CSMD1: variants seen among roughly 807,000 people sequenced by gnomAD.
CSMD1 encodes CUB and Sushi multiple domains 1.
Under a neutral mutation model 417.5 loss-of-function variants are expected in CSMD1, and 213 were observed. The observed-to-expected ratio is 0.51, with a 90% CI of 0.46 to 0.57. CSMD1 has a LOEUF of 0.57. CSMD1 is among the 20% of genes least tolerant of loss of function. The pLI is 0.00. For synonymous variants in CSMD1, 2,862 were observed against 1,736.8 expected (o/e 1.65, Z -16.11); for missense variants, 6,923 against 4,529.7 (o/e 1.53, Z -15.17).
chr8:4,859,948 G>C (rs1052293058), intron 1 of CSMD1, among the ~76,000 whole-genome samples: 1 of 152,182 alleles, frequency 6.6e-6, no homozygotes, highest in African/African-American at 2.4e-5. Context: ...CTGCTATAAA[G>C]ACACATGCAC....
chr8:3,399,040 C>G (rs913759753), intron 16 of CSMD1, among the ~76,000 whole-genome samples: 5 of 152,232 alleles, frequency 3.3e-5, no homozygotes, highest in African/African-American at 9.6e-5. Context: ...CAGAAGACAC[C>G]TAAGGGACCA....
intron 5 of CSMD1, among the ~76,000 whole-genome samples, chr8:3,820,769 T>A (rs1244470641): frequency 6.6e-6 from 1 of 152,048 alleles, no homozygotes; most frequent in African/African-American, 2.4e-5. Context: ...TTTGTTTTAG[T>A]GATGGGGTTT....
At position 4,725,982 on chromosome 8, in the gene CSMD1, T is replaced by G. The variant is rs945419682; in HGVS notation, c.86-88424A>C. On this transcript the variant is annotated intron_variant, in intron 1 of 69. Transcript: ENST00000635120. ...AGTTATTAGGATTTACAGTGGAATT[T>G]TGGTATCACGAACTAGTTGTAAGAA... is the stretch of plus-strand genomic sequence containing the variant. Among the ~76,000 whole-genome samples the G allele has an allele frequency of 2.0e-5, 3 of 152,170 alleles. 1 individual carries two copies. The highest frequency in any genetic ancestry group is 2.1e-4 in the South Asian group (1 of 4,832).
intron 11 of CSMD1, among the ~76,000 whole-genome samples, chr8:3,486,291 T>A (rs751976194): frequency 9.2e-5 from 14 of 152,192 alleles, no homozygotes; most frequent in Non-Finnish European, 1.9e-4. Context: ...TCTACCATTC[T>A]ATTTGATGCA....
intron 2 of CSMD1, among the ~76,000 whole-genome samples, chr8:4,486,400 G>A (rs904298672): frequency 1.3e-5 from 2 of 150,182 alleles, no homozygotes; most frequent in African/African-American, 2.4e-5. Context: ...TTACTTCCAG[G>A]AATCATAACA....
intron 11 of CSMD1, among the ~76,000 whole-genome samples, chr8:3,491,398 T>C (rs929786795): frequency 1.3e-5 from 2 of 152,174 alleles, no homozygotes; most frequent in African/African-American, 4.8e-5. Flanking sequence ...TAAGGTAAAA[T>C]GTATTATGCA....
At chr8:4,563,460 C>A (rs1194482817) in intron 2 of CSMD1, among the ~76,000 whole-genome samples, 2 of 152,088 alleles carry the variant, frequency 1.3e-5, no homozygotes, top group Non-Finnish European at 2.9e-5. Context: ...TCACATTCAA[C>A]AATGCCAAGG....
At chr8:4,952,056 A>G (rs951289690) in intron 1 of CSMD1, among the ~76,000 whole-genome samples, 4 of 151,554 alleles carry the variant, frequency 2.6e-5, no homozygotes, top group African/African-American at 7.3e-5. Context: ...TATATTTTAC[A>G]CGTAATTGTA....
chr8:4,597,295 T>C (rs1800338741), intron 2 of CSMD1, among the ~76,000 whole-genome samples: 1 of 152,160 alleles, frequency 6.6e-6, no homozygotes, highest in Non-Finnish European at 1.5e-5. Flanking sequence ...ATCAATGTAT[T>C]AACTTATAAG....
At chr8:4,653,506 C>G (rs988654640) in intron 1 of CSMD1, among the ~76,000 whole-genome samples, 1 of 152,096 alleles carries the variant, frequency 6.6e-6, no homozygotes, top group Non-Finnish European at 1.5e-5. Flanking sequence ...AGACACCAGA[C>G]TTTCTAAAAT....
intron 3 of CSMD1, among the ~76,000 whole-genome samples, chr8:4,215,913 A>T (rs2128804956): frequency 6.6e-6 from 1 of 152,338 alleles, no homozygotes. Context: ...AAGAACAAAG[A>T]GAACGTGGAT....
intron 5 of CSMD1, among the ~76,000 whole-genome samples, chr8:3,961,712 C>T (rs2627483): frequency 0.83 from 125,833 of 152,208 alleles, 52,614 homozygotes; most frequent in East Asian, 0.95. Flanking sequence ...TGCTGCGATA[C>T]TCATGGGAGC....
At chr8:3,411,322 C>T (rs1013513019) in intron 12 of CSMD1, among the ~76,000 whole-genome samples, 1 of 152,066 alleles carries the variant, frequency 6.6e-6, no homozygotes, top group Admixed American at 6.5e-5. Flanking sequence ...AGAGCAAATT[C>T]TTTGTGGGGT....
At chr8:3,886,002 CAT>C (rs756977329) in intron 5 of CSMD1, among the ~76,000 whole-genome samples, 84 of 151,356 alleles carry the variant, frequency 5.5e-4, no homozygotes, top group African/African-American at 1.8e-3. Context: ...TATATGTGTA[CAT>C]ATATATGTGT....
rs1252170639 is a variant in CSMD1, at chr8:4,026,587, T to G, written c.610+5318A>C. On this transcript the variant is annotated intron_variant, in intron 4 of 69. Transcript: ENST00000635120. Reference sequence around the variant, plus strand: ...GCCAAGTTTTAATGTCACAAGGAACTAAGGACACTGCCACTCACAGTTTTA... The same window carrying G: ...GCCAAGTTTTAATGTCACAAGGAACGAAGGACACTGCCACTCACAGTTTTA... Among the ~76,000 whole-genome samples the G allele has an allele frequency of 2.0e-5, 3 of 152,338 alleles. No homozygotes were observed. The East Asian group carries it at 5.8e-4, about 29-fold the overall frequency.
At chr8:3,484,978 G>C (rs1427168348) in intron 11 of CSMD1, among the ~76,000 whole-genome samples, 1 of 152,144 alleles carries the variant, frequency 6.6e-6, no homozygotes, top group African/African-American at 2.4e-5. Flanking sequence ...TGATGTTGGA[G>C]AACCATGCTG....
chr8:4,944,660 T>A (rs34931756), intron 1 of CSMD1, among the ~76,000 whole-genome samples: 1 of 152,000 alleles, frequency 6.6e-6, no homozygotes. Context: ...TTCGATATTA[T>A]TGATCATTAG....
intron 3 of CSMD1, among the ~76,000 whole-genome samples, chr8:4,111,839 G>T (rs891777280): frequency 1.3e-5 from 2 of 152,056 alleles, no homozygotes; most frequent in African/African-American, 4.8e-5. Context: ...CTAGGTGATG[G>T]GTTGATAGGT....
chr8:4,248,473 A>G (rs1300740013), intron 3 of CSMD1, among the ~76,000 whole-genome samples: 2 of 152,182 alleles, frequency 1.3e-5, no homozygotes, highest in African/African-American at 4.8e-5. Flanking sequence ...GTCAGTCGTT[A>G]CTTACGAATA....
Sources: allele counts gnomAD v4.1 joint callset (sites outside exome capture counted in the v4.1 genomes callset), GRCh38; gene constraint gnomAD v4.1.1; transcripts MANE v1.5; gene names NCBI Gene and HGNC (gene_info 2026-07-23, HGNC 2026-07-21).